Variants in KCND2 observed in about 807,000 individuals in gnomAD.
The protein encoded by KCND2 is potassium voltage-gated channel subfamily D member 2.
In KCND2, 16 loss-of-function variants were observed where a neutral mutation model predicts 54.4. That is an observed-to-expected ratio of 0.29 (90% CI 0.20 to 0.45). The LOEUF is 0.45. KCND2 is among the 20% of genes least tolerant of loss of function. The pLI is 1.00. For missense variants in KCND2, 486 were observed against 824.2 expected (o/e 0.59, Z 5.02); for synonymous variants, 317 against 310.7 (o/e 1.02, Z -0.21).
At chr7:120,708,590 A>G (rs559827866) in intron 1 of KCND2, among the ~76,000 whole-genome samples, 1 of 152,230 alleles carries the variant, frequency 6.6e-6, no homozygotes, top group South Asian at 2.1e-4. Context: ...GGACCACATT[A>G]ATGTTTCTTG....
intron 1 of KCND2, among the ~76,000 whole-genome samples, chr7:120,640,849 T>G (rs1246195888): frequency 6.6e-6 from 1 of 152,196 alleles, no homozygotes; most frequent in Non-Finnish European, 1.5e-5. Context: ...CAAGCCCACA[T>G]AGAAGTCCGG....
chr7:120,566,448 TCCTCCCACCTAAG>T (rs1562874914), intron 1 of KCND2, among the ~76,000 whole-genome samples: 1 of 151,990 alleles, frequency 6.6e-6, no homozygotes, highest in Non-Finnish European at 1.5e-5. Flanking sequence ...GTTCAAGAGA[TCCTCCCACCTAAG>T]CCTCCCACGT....
At chr7:120,286,531 A>G (rs1211214017) in intron 1 of KCND2, among the ~76,000 whole-genome samples, 1 of 152,020 alleles carries the variant, frequency 6.6e-6, no homozygotes, top group African/African-American at 2.4e-5. Flanking sequence ...TGACTATATA[A>G]CAGTATTAAA....
intron 1 of KCND2, among the ~76,000 whole-genome samples, chr7:120,475,719 T>G (rs1316627633): frequency 1.3e-5 from 2 of 152,238 alleles, no homozygotes; most frequent in African/African-American, 4.8e-5. Flanking sequence ...CATATGGTCA[T>G]GTAGCATTAT....
chr7:120,632,847 A>G (rs1793254721), intron 1 of KCND2, among the ~76,000 whole-genome samples: 1 of 152,188 alleles, frequency 6.6e-6, no homozygotes, highest in Admixed American at 6.5e-5. Context: ...GAAGGATTCC[A>G]TGCTAGACAA....
At chr7:120,660,451 T>C (rs1791851982) in intron 1 of KCND2, among the ~76,000 whole-genome samples, 1 of 152,232 alleles carries the variant, frequency 6.6e-6, no homozygotes, top group South Asian at 2.1e-4. Context: ...TATATATTAT[T>C]ACCTCCTATT....
At chr7:120,523,332 ACAGATTTC>A (rs1791723080) in intron 1 of KCND2, among the ~76,000 whole-genome samples, 1 of 152,038 alleles carries the variant, frequency 6.6e-6, no homozygotes, top group Admixed American at 6.6e-5. Context: ...TAATAATAAA[ACAGATTTC>A]CAGATAATTC....
chr7:120,309,314 G>A (rs562910940), intron 1 of KCND2, among the ~76,000 whole-genome samples: 4 of 151,934 alleles, frequency 2.6e-5, no homozygotes, highest in East Asian at 1.9e-4. Context: ...CAGAGGTGAC[G>A]CACCATACTG....
At position 120,452,106 on chromosome 7, in the gene KCND2, T is replaced by C. The variant is rs535410384; in HGVS notation, c.1115+176359T>C. Reference sequence around the variant, plus strand: ...AAGAAATACAAGTATATAGAACATATGAGAATATAATGGAAACATAATTGA... The same window carrying C: ...AAGAAATACAAGTATATAGAACATACGAGAATATAATGGAAACATAATTGA... On this transcript the variant is annotated intron_variant, in intron 1 of 5. Coordinates refer to ENST00000331113, the MANE Select transcript of KCND2 (RefSeq NM_012281.3). 5.3e-5 allele frequency among the ~76,000 whole-genome samples: 8 copies of C among 152,308 alleles called. No individual in the cohort carries two copies. In the South Asian group the frequency reaches 1.5e-3, roughly 28 times the overall value.
intron 1 of KCND2, among the ~76,000 whole-genome samples, chr7:120,623,752 G>A (rs558418535): frequency 3.3e-4 from 51 of 152,276 alleles, no homozygotes; most frequent in African/African-American, 1.2e-3. Context: ...TATGTTCAGA[G>A]GGAGGAGGTA....
At chr7:120,508,246 T>C (rs112019586) in intron 1 of KCND2, among the ~76,000 whole-genome samples, 16 of 152,136 alleles carry the variant, frequency 1.1e-4, no homozygotes, top group African/African-American at 3.6e-4. Flanking sequence ...TATCATGTTC[T>C]TTGCTGATGT....
chr7:120,302,040 A>G (rs1028819198), intron 1 of KCND2, among the ~76,000 whole-genome samples: 2 of 152,192 alleles, frequency 1.3e-5, no homozygotes, highest in African/African-American at 4.8e-5. Flanking sequence ...TTAATATTTT[A>G]ACATGTTACT....
At chr7:120,550,452 C>T (rs1395185285) in intron 1 of KCND2, among the ~76,000 whole-genome samples, 4 of 152,034 alleles carry the variant, frequency 2.6e-5, no homozygotes, top group African/African-American at 4.8e-5. Context: ...AATAAGGAGA[C>T]CCACAAGAAG....
At chr7:120,343,625 C>T (rs1018774202) in intron 1 of KCND2, among the ~76,000 whole-genome samples, 9 of 152,148 alleles carry the variant, frequency 5.9e-5, no homozygotes, top group African/African-American at 2.2e-4. Flanking sequence ...TCTTGGATAT[C>T]AGGATGAGAA....
At chr7:120,523,734 GTGTGTGTGTGTGTA>G (rs1344191936) in intron 1 of KCND2, among the ~76,000 whole-genome samples, 77 of 146,988 alleles carry the variant, frequency 5.2e-4, no homozygotes, top group African/African-American at 1.8e-3. Flanking sequence ...GTGTGTGTGT[GTGTGTGTGTGTGTA>G]TGTCTTTGGC....
chr7:120,650,432 C>T (rs1328372027), intron 1 of KCND2, among the ~76,000 whole-genome samples: 3 of 142,950 alleles, frequency 2.1e-5, no homozygotes, highest in Admixed American at 6.8e-5. Flanking sequence ...GTGCATTTGT[C>T]GTGTAGTTCT....
intron 1 of KCND2, among the ~76,000 whole-genome samples, chr7:120,543,514 A>G (rs1792007584): frequency 6.6e-6 from 1 of 152,114 alleles, no homozygotes. Flanking sequence ...GAAGTCAAGT[A>G]GCTTGTTCAG....
At chr7:120,598,588 T>A (rs905835222) in intron 1 of KCND2, among the ~76,000 whole-genome samples, 1 of 148,502 alleles carries the variant, frequency 6.7e-6, no homozygotes, top group African/African-American at 2.5e-5. Context: ...GCGGGGCGGG[T>A]GGCATTGGTT....
intron 1 of KCND2, among the ~76,000 whole-genome samples, chr7:120,728,294 T>C (rs1792761471): frequency 6.6e-6 from 1 of 150,546 alleles, no homozygotes; most frequent in Admixed American, 6.6e-5. Context: ...TTTTTTTTTT[T>C]TTTTTAAAAA....
Sources: gnomAD v4.1 joint callset for allele counts (sites outside exome capture counted in the v4.1 genomes callset) on GRCh38, gnomAD v4.1.1 for gene constraint, MANE v1.5 for transcripts, NCBI Gene and HGNC (gene_info 2026-07-23, HGNC 2026-07-21) for gene names.